Variants in SCN3A observed in about 807,000 individuals in gnomAD.
The protein encoded by SCN3A is sodium voltage-gated channel alpha subunit 3, also known as sodium channel protein type 3 subunit alpha.
Under a neutral mutation model 187.6 loss-of-function variants are expected in SCN3A, and 60 were observed. The ratio of observed to expected loss-of-function variants is 0.32; its 90% CI spans 0.26 to 0.40. The LOEUF (loss-of-function observed/expected upper bound fraction) is 0.40, where lower values mean the gene tolerates loss of function less well. Among genes scored for constraint, SCN3A ranks in the 10% least tolerant of loss-of-function variants. The pLI is 1.00. For synonymous variants in SCN3A, 788 were observed against 829.2 expected (o/e 0.95, Z 0.85); for missense variants, 1,601 against 2,428.2 (o/e 0.66, Z 7.16).
intron 26 of SCN3A, 102 bp downstream of exon 26, chr2:165,094,272 A>G: frequency 1.2e-6 from 1 of 862,392 alleles, no homozygotes; most frequent in African/African-American, 1.7e-5. Flanking sequence ...TTAGGGCTCA[A>G]TATTGGTGAT....
intron 1 of SCN3A, among the ~76,000 whole-genome samples, chr2:165,191,618 G>A (rs934665136): frequency 2.6e-5 from 4 of 152,034 alleles, no homozygotes; most frequent in Non-Finnish European, 5.9e-5. Context: ...TCAAGTCTTG[G>A]CCAAAAGTTT....
At chr2:165,193,802 A>G (rs564856733) in intron 1 of SCN3A, among the ~76,000 whole-genome samples, 9 of 152,228 alleles carry the variant, frequency 5.9e-5, no homozygotes, top group Admixed American at 3.3e-4. Context: ...TGAGATTTAA[A>G]ATACAGAGGA....
intron 2 of SCN3A, among the ~76,000 whole-genome samples, chr2:165,180,722 A>G (rs1457361670): frequency 3.3e-5 from 5 of 152,126 alleles, no homozygotes; most frequent in African/African-American, 1.2e-4. Flanking sequence ...GGCAGGATAG[A>G]TCACTGAGGA....
rs755947593 is a variant in SCN3A, at chr2:165,140,687, T to C, written c.1983A>G (p.Ser661=). 4 of 1,614,058 alleles carry C rather than the reference T, an allele frequency of 2.5e-6. No individual in the cohort carries two copies. The highest frequency in any genetic ancestry group is 2.5e-6 in the Non-Finnish European group (3 of 1,179,988). Residue 661 remains serine, a synonymous_variant, in exon 13 of 28, where the codon TCA becomes TCG. Transcript: ENST00000283254. This position sits in a 1 kb window ranked among gnomAD's most constrained non-coding sequence, Gnocchi z 4.2. ...GTTGTCCAGTAGGTGACGTTAGAGC[T>C]GAAGGTCCACCCACCAAGGAAACCA... is the stretch of plus-strand genomic sequence containing the variant. ...NGVVSLVGGP[S]ALTSPTGQLP... is the part of the protein sequence containing the mutation.
intron 1 of SCN3A, chr2:165,195,208 G>A (rs1236594082): frequency 6.6e-6 from 1 of 152,126 alleles, no homozygotes; most frequent in Non-Finnish European, 1.5e-5. Context: ...TGGTAAGTAA[G>A]AAACTGACTA....
At position 165,175,334 on chromosome 2, in the gene SCN3A, A is replaced by G. The variant is rs1420071302; in HGVS notation, c.264+797T>C. ...TTAGAAAGCATAGAGTATACCACCT[A>G]TTTTTTATATTTTCTATAAAATATC... On this transcript the variant is annotated intron_variant, in intron 3 of 27. Coordinates refer to ENST00000283254, the MANE Select transcript of SCN3A (RefSeq NM_006922.4). Among the ~76,000 whole-genome samples the G allele has an allele frequency of 4.6e-5, 7 of 152,254 alleles. No homozygotes were observed. In the East Asian group the frequency reaches 1.4e-3, roughly 29 times the overall value.
At chr2:165,095,400 AT>A in intron 25 of SCN3A, 110 bp downstream of exon 25, 2 of 1,162,666 alleles carry the variant, frequency 1.7e-6, no homozygotes, top group Non-Finnish European at 2.5e-6. Context: ...GCAACTGAAA[AT>A]AATATAAACA....
At chr2:165,181,683 C>T (rs376653069) in intron 2 of SCN3A, among the ~76,000 whole-genome samples, 38 of 151,990 alleles carry the variant, frequency 2.5e-4, no homozygotes, top group Non-Finnish European at 4.0e-4. Context: ...AAATGTGTGC[C>T]GAATACTCAA....
Position 165,139,517 on chromosome 2 carries a change from C to G in SCN3A, c.2111G>C (p.Arg704Thr), listed in dbSNP as rs754862439. ...CAGAATGCTGGCTATGCTCACGGCTCTTTGCCTTCCAGAGGAATCCTCCAG... is the reference window on the plus strand; with the variant it reads ...CAGAATGCTGGCTATGCTCACGGCTGTTTGCCTTCCAGAGGAATCCTCCAG... ...EMLEDSSGRQ[R>T]AVSIASILTN... Residue 704 changes from arginine to threonine, a missense_variant, in exon 14 of 28, where the codon AGA becomes ACA. Arg to Thr is a moderately conservative substitution (Grantham distance 71). This residue lies in a region of SCN3A where 376 missense variants were observed against 476.0 expected (regional missense o/e 0.79). Coordinates refer to ENST00000283254, the MANE Select transcript of SCN3A (RefSeq NM_006922.4). 4 of 1,614,002 alleles carry G rather than the reference C, an allele frequency of 2.5e-6. 1 individual carries two copies. In the South Asian group the frequency reaches 4.4e-5, roughly 18 times the overall value.
At chr2:165,105,483 C>T (rs979661394) in intron 21 of SCN3A, among the ~76,000 whole-genome samples, 1 of 152,140 alleles carries the variant, frequency 6.6e-6, no homozygotes, top group Non-Finnish European at 1.5e-5. Flanking sequence ...GCCCTATTTC[C>T]TATCTGCTGA....
chr2:165,168,599 C>T (rs1689921651), intron 5 of SCN3A, 137 bp downstream of exon 5: 3 of 708,572 alleles, frequency 4.2e-6, no homozygotes, highest in Non-Finnish European at 5.1e-6. Flanking sequence ...CAAAGAACTT[C>T]CCTTATCTTC....
intron 1 of SCN3A, among the ~76,000 whole-genome samples, chr2:165,189,422 A>C (rs1052270792): frequency 2.6e-5 from 4 of 152,146 alleles, no homozygotes; most frequent in African/African-American, 9.7e-5. Context: ...GAAATCCCCC[A>C]AAAACGGTTA....
At position 165,188,242 on chromosome 2, in the gene SCN3A, A is replaced by G. The variant is rs1467985694; in HGVS notation, c.-247-1495T>C. On this transcript the variant is annotated intron_variant, in intron 1 of 27. Transcript: ENST00000283254. ...TGAAAATTACTGATTTACAGATTGG[A>G]GAAAATATATTTTATGGCCTTGGCT... 2.6e-5 allele frequency among the ~76,000 whole-genome samples: 4 copies of G among 152,276 alleles called. No individual in the cohort carries two copies. In the East Asian group the frequency reaches 7.7e-4, roughly 29 times the overall value.
intron 12 of SCN3A, among the ~76,000 whole-genome samples, chr2:165,143,189 C>T (rs1205846123): frequency 6.6e-6 from 1 of 152,290 alleles, no homozygotes. Context: ...TTTCCTGACA[C>T]ATTCCAGGTG....
At chr2:165,173,083 A>G (rs1040746567) in intron 3 of SCN3A, among the ~76,000 whole-genome samples, 3 of 152,160 alleles carry the variant, frequency 2.0e-5, no homozygotes, top group Non-Finnish European at 2.9e-5. Flanking sequence ...TGTACTCTGG[A>G]ATGTTACTTG....
chr2:165,188,804 C>CAAAAAAA (rs763003775), intron 1 of SCN3A, among the ~76,000 whole-genome samples: 4 of 72,540 alleles, frequency 5.5e-5, no homozygotes, highest in Non-Finnish European at 1.3e-4. Context: ...CGCCCCACTT[C>CAAAAAAA]AAAAAAAAAA....
At chr2:165,107,111 A>T (rs1376396174) in intron 21 of SCN3A, among the ~76,000 whole-genome samples, 1 of 152,194 alleles carries the variant, frequency 6.6e-6, no homozygotes, top group African/African-American at 2.4e-5. Flanking sequence ...AAACATGATG[A>T]ACATGTGCAG....
chr2:165,190,581 AAACTTTATATATATAT>A (rs1315361398), intron 1 of SCN3A, among the ~76,000 whole-genome samples: 6 of 144,602 alleles, frequency 4.1e-5, no homozygotes, highest in Admixed American at 3.4e-4. Flanking sequence ...TATTTATATA[AAACTTTATATATATAT>A]AACTTTATAT....
chr2:165,133,175 C>T (rs1217461176), intron 15 of SCN3A, among the ~76,000 whole-genome samples: 1 of 152,150 alleles, frequency 6.6e-6, no homozygotes, highest in African/African-American at 2.4e-5. Flanking sequence ...CACTTTTACA[C>T]TGTTTGTGGG....
Sources: allele counts gnomAD v4.1 joint callset (sites outside exome capture counted in the v4.1 genomes callset), GRCh38; gene constraint gnomAD v4.1.1; regional missense constraint gnomAD v4.1.1; non-coding constraint Gnocchi (gnomAD v3.1); transcripts MANE v1.5; gene names NCBI Gene and HGNC (gene_info 2026-07-23, HGNC 2026-07-21).